The following CCDC192 variants were observed in gnomAD, a reference collection of about 807,000 sequenced individuals.
CCDC192 encodes coiled-coil domain containing 192, also known as coiled-coil domain-containing protein 192.
intron 5 of CCDC192, among the ~76,000 whole-genome samples, chr5:127,863,628 A>T (rs1751467157): frequency 6.6e-6 from 1 of 152,236 alleles, no homozygotes; most frequent in Non-Finnish European, 1.5e-5. Context: ...AATTGGTTGC[A>T]CAACAATGTG....
intron 2 of CCDC192, among the ~76,000 whole-genome samples, chr5:127,733,796 G>T (rs1451382143): frequency 6.7e-6 from 1 of 149,524 alleles, no homozygotes; most frequent in African/African-American, 2.5e-5. Flanking sequence ...CAGATTCCAC[G>T]CTGTTTGGCA....
At chr5:127,904,438 T>C (rs1249724986) in intron 6 of CCDC192, among the ~76,000 whole-genome samples, 2 of 151,902 alleles carry the variant, frequency 1.3e-5, no homozygotes, top group Admixed American at 1.3e-4. Context: ...TCTTAGCACA[T>C]GGTTTGTACA....
chr5:127,904,721 C>T (rs1003839092), intron 6 of CCDC192, among the ~76,000 whole-genome samples: 1 of 151,990 alleles, frequency 6.6e-6, no homozygotes, highest in African/African-American at 2.4e-5. Context: ...AGGCTGATCT[C>T]GAACTCCTGA....
intron 5 of CCDC192, among the ~76,000 whole-genome samples, chr5:127,820,727 AT>A: frequency 6.6e-6 from 1 of 152,024 alleles, no homozygotes; most frequent in East Asian, 1.9e-4. Flanking sequence ...TTTTAAGTTG[AT>A]TTTTTGTTTG....
intron 4 of CCDC192, among the ~76,000 whole-genome samples, chr5:127,797,772 TATA>T (rs1561494260): frequency 3.8e-4 from 44 of 114,308 alleles, no homozygotes; most frequent in Admixed American, 8.0e-4. Flanking sequence ...TATATATATA[TATA>T]TATTTATTTA....
chr5:127,879,916 A>C (rs953349057), intron 6 of CCDC192, among the ~76,000 whole-genome samples: 1 of 150,960 alleles, frequency 6.6e-6, no homozygotes, highest in Non-Finnish European at 1.5e-5. Flanking sequence ...TAGAATGGCT[A>C]TCATTAAAAA....
At chr5:127,913,352 T>C (rs1753429000) in intron 6 of CCDC192, among the ~76,000 whole-genome samples, 1 of 152,234 alleles carries the variant, frequency 6.6e-6, no homozygotes, top group Non-Finnish European at 1.5e-5. Flanking sequence ...CAGATTACCA[T>C]CTGTGATAAA....
chr5:127,769,166 G>T (rs1755405402), intron 3 of CCDC192, among the ~76,000 whole-genome samples: 1 of 152,200 alleles, frequency 6.6e-6, no homozygotes, highest in Non-Finnish European at 1.5e-5. Context: ...AGATAAATAG[G>T]AAATTCACAT....
chr5:127,786,346 AAGAG>A (rs1344634491), intron 3 of CCDC192: 5 of 632,494 alleles, frequency 7.9e-6, no homozygotes, highest in Admixed American at 2.5e-5. Flanking sequence ...AGAAAAAAAA[AAGAG>A]AGAGATTCAA....
intron 3 of CCDC192, among the ~76,000 whole-genome samples, chr5:127,773,768 G>A (rs1323570321): frequency 6.6e-6 from 1 of 151,952 alleles, no homozygotes; most frequent in East Asian, 1.9e-4. Context: ...ATTTCTTTTT[G>A]GTATATATGT....
At chr5:127,833,805 T>C (rs1007205864) in intron 5 of CCDC192, among the ~76,000 whole-genome samples, 11 of 152,168 alleles carry the variant, frequency 7.2e-5, no homozygotes, top group Admixed American at 7.2e-4. Flanking sequence ...AAATTTTCTG[T>C]CTCAGAAAAT....
intron 6 of CCDC192, chr5:127,940,876 G>C: frequency 8.4e-6 from 2 of 239,490 alleles, no homozygotes; most frequent in Non-Finnish European, 1.6e-5. Context: ...TTTGTAGATT[G>C]GATTTTCATG....
intron 6 of CCDC192, among the ~76,000 whole-genome samples, chr5:127,902,200 A>G (rs1416157049): frequency 2.0e-5 from 3 of 152,126 alleles, no homozygotes; most frequent in African/African-American, 7.2e-5. Flanking sequence ...TAAACCTGAG[A>G]TGGGGAGGTT....
chr5:127,816,465 G>T (rs1356950979), intron 5 of CCDC192, among the ~76,000 whole-genome samples: 1 of 152,148 alleles, frequency 6.6e-6, no homozygotes, highest in Admixed American at 6.5e-5. Flanking sequence ...AGCAGAATAG[G>T]TATTAAGTGA....
intron 5 of CCDC192, among the ~76,000 whole-genome samples, chr5:127,824,891 A>G (rs1054245847): frequency 6.6e-6 from 1 of 152,196 alleles, no homozygotes; most frequent in Non-Finnish European, 1.5e-5. Context: ...CTTGAATCCA[A>G]ACATGGTTGT....
At chr5:127,754,472 T>TACAC (rs368830307) in intron 3 of CCDC192, 97 bp downstream of exon 3, 118 of 327,200 alleles carry the variant, frequency 3.6e-4, no homozygotes, top group African/African-American at 1.9e-3. Context: ...CCTCTACTGA[T>TACAC]ACACACACAC....
At chr5:127,753,067 C>G (rs1053591440) in intron 2 of CCDC192, among the ~76,000 whole-genome samples, 17 of 152,132 alleles carry the variant, frequency 1.1e-4, no homozygotes, top group Non-Finnish European at 2.2e-4. Flanking sequence ...AGAAATCACC[C>G]GTCTTCTGCG....
At chr5:127,721,136 G>A (rs563849633) in intron 2 of CCDC192, among the ~76,000 whole-genome samples, 19 of 152,226 alleles carry the variant, frequency 1.2e-4, no homozygotes, top group South Asian at 4.1e-4. Context: ...TTTCTACTAC[G>A]TGGCTGGGCT....
chr5:127,810,104 T>C (rs1390151062), intron 5 of CCDC192, among the ~76,000 whole-genome samples: 4 of 152,234 alleles, frequency 2.6e-5, no homozygotes, highest in Non-Finnish European at 4.4e-5. Flanking sequence ...TTTCAGCCAC[T>C]TTAAGTTTGC....
Sources: allele counts gnomAD v4.1 joint callset (sites outside exome capture counted in the v4.1 genomes callset), GRCh38; gene constraint gnomAD v4.1.1; transcripts MANE v1.5; gene names NCBI Gene and HGNC (gene_info 2026-07-23, HGNC 2026-07-21).